The following GRIN2B variants were observed in gnomAD, a reference collection of about 807,000 sequenced individuals.
The protein encoded by GRIN2B is glutamate ionotropic receptor NMDA type subunit 2B.
Under a neutral mutation model 114.5 loss-of-function variants are expected in GRIN2B, and 5 were observed. The observed-to-expected ratio is 0.04, with a 90% CI of 0.02 to 0.09. The LOEUF is 0.09. Ranked by LOEUF, GRIN2B falls within the 10% of genes least tolerant of loss-of-function variation. The pLI is 1.00. For synonymous variants in GRIN2B, 787 were observed against 745.1 expected, an observed-to-expected ratio of 1.06 and a Z score of -0.92; for missense variants, 1,108 against 1,943.5, an observed-to-expected ratio of 0.57 and a Z score of 8.08.
chr12:13,547,835 A>C lies in GRIN2B; in HGVS notation c.*14948T>G, dbSNP rs1188183789. 1 of 151,814 alleles carries C rather than the reference A, an allele frequency of 6.6e-6. No homozygotes were observed. Among genetic ancestry groups the C allele is most frequent in the Non-Finnish European group, 1.5e-5 (1 of 67,970 alleles). 9.4% of individuals were successfully genotyped at this position (151,814 alleles called of 1,614,324 possible). A position where few individuals can be genotyped will look rare whatever the true frequency, so the allele number is the denominator to read the frequency against. On this transcript the variant is annotated 3_prime_UTR_variant, in exon 14 of 14. Transcript: ENST00000609686. ...AGGAGACTTCTCTCCACATTGTCGC[A>C]GTGTTGAAACTCTGAGATAAGAATT...
At chr12:13,821,243 G>A (rs1444525449) in intron 3 of GRIN2B, among the ~76,000 whole-genome samples, 1 of 152,070 alleles carries the variant, frequency 6.6e-6, no homozygotes, top group East Asian at 1.9e-4. Flanking sequence ...TTCTTACACA[G>A]AGTTTCTCTA....
intron 3 of GRIN2B, among the ~76,000 whole-genome samples, chr12:13,851,114 A>C (rs952071229): frequency 2.0e-5 from 3 of 152,162 alleles, no homozygotes; most frequent in Admixed American, 1.3e-4. Context: ...ACCAGGGCAA[A>C]TCCAGGATTC....
At chr12:13,935,814 A>T (rs1190526051) in intron 2 of GRIN2B, among the ~76,000 whole-genome samples, 1 of 152,214 alleles carries the variant, frequency 6.6e-6, no homozygotes. Flanking sequence ...TTCCTACTGG[A>T]AACAGCTATA....
At chr12:13,954,061 C>A (rs1282651890) in intron 2 of GRIN2B, among the ~76,000 whole-genome samples, 3 of 152,194 alleles carry the variant, frequency 2.0e-5, no homozygotes, top group Non-Finnish European at 4.4e-5. Flanking sequence ...GGCCCTGGAC[C>A]AGGCATAGCT....
intron 3 of GRIN2B, among the ~76,000 whole-genome samples, chr12:13,817,935 A>T (rs1864859943): frequency 6.6e-6 from 1 of 152,178 alleles, no homozygotes; most frequent in Non-Finnish European, 1.5e-5. Flanking sequence ...GTTCTGAATT[A>T]TTCATTTTTA....
intron 2 of GRIN2B, among the ~76,000 whole-genome samples, chr12:13,901,937 A>G (rs1866459661): frequency 6.6e-6 from 1 of 152,124 alleles, no homozygotes; most frequent in South Asian, 2.1e-4. Flanking sequence ...AAATTTTTTC[A>G]GCATTAGTTA....
In GRIN2B at chr12:13,815,777, C is replaced by T. The variant is rs115817305; in HGVS notation, c.411+50021G>A. Among the ~76,000 whole-genome samples, 301 of 152,278 alleles carry T rather than the reference C, an allele frequency of 2.0e-3. 1 individual carries two copies. The highest frequency in any genetic ancestry group is 7.0e-3 in the African/African-American group (289 of 41,548). ...TGGGGTTAAAATACTCACGAATTTT[C>T]TTTCTCCCATTCTAAAAATGTGCTT... On this transcript the variant is annotated intron_variant, in intron 3 of 13. Coordinates refer to ENST00000609686, the MANE Select transcript of GRIN2B (RefSeq NM_000834.5).
At chr12:13,628,593 A>G (rs1591649475) in intron 5 of GRIN2B, among the ~76,000 whole-genome samples, 1 of 152,242 alleles carries the variant, frequency 6.6e-6, no homozygotes, top group Non-Finnish European at 1.5e-5. Context: ...CAATCAAACA[A>G]GCAAAATTGG....
chr12:13,781,073 G>C (rs1369165161), intron 3 of GRIN2B, among the ~76,000 whole-genome samples: 1 of 152,130 alleles, frequency 6.6e-6, no homozygotes, highest in Non-Finnish European at 1.5e-5. Flanking sequence ...AACATGGAGA[G>C]AGATCCCTGA....
chr12:13,728,516 T>C (rs1451332831), intron 4 of GRIN2B, among the ~76,000 whole-genome samples: 1 of 152,098 alleles, frequency 6.6e-6, no homozygotes, highest in Non-Finnish European at 1.5e-5. Flanking sequence ...CAGAGAGCTG[T>C]AGTTTGGGGC....
intron 5 of GRIN2B, among the ~76,000 whole-genome samples, chr12:13,630,470 G>A (rs763626249): frequency 2.0e-5 from 3 of 152,052 alleles, no homozygotes; most frequent in African/African-American, 4.8e-5. Flanking sequence ...ATAGGATATC[G>A]AAAAATGTGA....
At chr12:13,811,714 A>G (rs1864734413) in intron 3 of GRIN2B, among the ~76,000 whole-genome samples, 1 of 152,242 alleles carries the variant, frequency 6.6e-6, no homozygotes, top group Non-Finnish European at 1.5e-5. Context: ...CCCCTCATAA[A>G]GTAGAACATT....
intron 3 of GRIN2B, among the ~76,000 whole-genome samples, chr12:13,782,658 A>T (rs1864139764): frequency 6.6e-6 from 1 of 152,236 alleles, no homozygotes; most frequent in East Asian, 1.9e-4. Context: ...TTGAGAATAT[A>T]ACTCTCACTA....
intron 4 of GRIN2B, among the ~76,000 whole-genome samples, chr12:13,715,590 G>A (rs1208434373): frequency 6.6e-6 from 1 of 151,762 alleles, no homozygotes; most frequent in East Asian, 1.9e-4. Flanking sequence ...TGAATAAATG[G>A]CTCATTGAAC....
chr12:13,816,761 T>C (rs980979054), intron 3 of GRIN2B, among the ~76,000 whole-genome samples: 1 of 152,210 alleles, frequency 6.6e-6, no homozygotes, highest in East Asian at 1.9e-4. Context: ...ATATGTGTTA[T>C]GTGTGTGTAC....
chr12:13,927,136 T>C (rs1044984237), intron 2 of GRIN2B, among the ~76,000 whole-genome samples: 35 of 152,234 alleles, frequency 2.3e-4, no homozygotes, highest in African/African-American at 7.5e-4. Context: ...AAAGAGGATA[T>C]TGAAAATATT....
chr12:13,804,000 A>AGTACTTTATTCACCAT (rs2136676827), intron 3 of GRIN2B, among the ~76,000 whole-genome samples: 1 of 152,294 alleles, frequency 6.6e-6, no homozygotes, highest in Admixed American at 6.5e-5. Context: ...CACTTCACTA[A>AGTACTTTATTCACCAT]GTACTTTATT....
At chr12:13,648,396 A>T in intron 5 of GRIN2B, among the ~76,000 whole-genome samples, 1 of 151,986 alleles carries the variant, frequency 6.6e-6, no homozygotes, top group Admixed American at 6.6e-5. Flanking sequence ...GACATTTGGA[A>T]TTAGCCTCTT....
intron 2 of GRIN2B, among the ~76,000 whole-genome samples, chr12:13,919,750 C>T (rs746648629): frequency 1.1e-4 from 16 of 152,058 alleles, no homozygotes; most frequent in South Asian, 2.1e-4. Context: ...GAAGCTGATG[C>T]GGGGATCGTC....
Sources: allele counts gnomAD v4.1 joint callset (sites outside exome capture counted in the v4.1 genomes callset), GRCh38; gene constraint gnomAD v4.1.1; transcripts MANE v1.5; gene names NCBI Gene and HGNC (gene_info 2026-07-23, HGNC 2026-07-21).